The following CHRM3 variants were observed in gnomAD, a reference collection of about 807,000 sequenced individuals.
The protein encoded by CHRM3 is cholinergic receptor muscarinic 3, also known as muscarinic acetylcholine receptor M3.
CHRM3 carries 11 observed loss-of-function variants against 41.8 expected under a neutral mutation model. That is an observed-to-expected ratio of 0.26 (90% CI 0.17 to 0.44). The LOEUF is 0.44. CHRM3 is among the 20% of genes least tolerant of loss of function. The pLI is 1.00. For synonymous variants in CHRM3, 297 were observed against 301.4 expected, an observed-to-expected ratio of 0.99 and a Z score of 0.15; for missense variants, 571 against 745.4, an observed-to-expected ratio of 0.77 and a Z score of 2.72.
intron 1 of CHRM3, among the ~76,000 whole-genome samples, chr1:239,417,580 T>TG (rs111755103): frequency 0.27 from 1,573 of 5,826 alleles, 31 homozygotes; most frequent in Admixed American, 0.3. Context: ...GATTAATTTG[T>TG]TTTTTTTTTT....
chr1:239,636,631 G>C (rs1423570855), intron 4 of CHRM3, among the ~76,000 whole-genome samples: 2 of 152,048 alleles, frequency 1.3e-5, no homozygotes, highest in African/African-American at 4.8e-5. Context: ...CAGCACTTTT[G>C]GGTCTTTGGA....
chr1:239,870,740 T>C (rs994707720), intron 6 of CHRM3, among the ~76,000 whole-genome samples: 7 of 152,198 alleles, frequency 4.6e-5, no homozygotes, highest in African/African-American at 1.7e-4. Context: ...CATATTAAAA[T>C]CTGTCAAAAA....
intron 1 of CHRM3, among the ~76,000 whole-genome samples, chr1:239,415,646 C>A (rs983435945): frequency 6.6e-6 from 1 of 152,098 alleles, no homozygotes; most frequent in South Asian, 2.1e-4. Flanking sequence ...TAGTATATTG[C>A]TGTGGCTCAA....
intron 4 of CHRM3, among the ~76,000 whole-genome samples, chr1:239,659,473 G>A (rs1321523050): frequency 6.6e-6 from 1 of 152,130 alleles, no homozygotes; most frequent in Non-Finnish European, 1.5e-5. Context: ...TCTCTCAAGA[G>A]AACTTTCCAT....
chr1:239,480,500 G>A (rs527375086), intron 1 of CHRM3, among the ~76,000 whole-genome samples: 1 of 145,242 alleles, frequency 6.9e-6, no homozygotes, highest in Non-Finnish European at 1.5e-5. Context: ...AATGCGAAAT[G>A]TAACTTTATT....
chr1:239,517,967 G>C (rs1353643388), intron 2 of CHRM3, among the ~76,000 whole-genome samples: 1 of 152,090 alleles, frequency 6.6e-6, no homozygotes, highest in African/African-American at 2.4e-5. Context: ...TTAGCCGGAC[G>C]TGGTGGCACG....
intron 2 of CHRM3, among the ~76,000 whole-genome samples, chr1:239,507,874 G>A (rs747872642): frequency 6.6e-6 from 1 of 152,084 alleles, no homozygotes; most frequent in Non-Finnish European, 1.5e-5. Context: ...CTGAAAATGT[G>A]AGCTTTGTGC....
At chr1:239,815,700 A>G (rs1671520006) in intron 5 of CHRM3, among the ~76,000 whole-genome samples, 1 of 152,228 alleles carries the variant, frequency 6.6e-6, no homozygotes, top group Admixed American at 6.5e-5. Flanking sequence ...AATGCAAAAC[A>G]AAATGATAGC....
intron 5 of CHRM3, among the ~76,000 whole-genome samples, chr1:239,805,705 T>C (rs937895294): frequency 7.2e-5 from 11 of 152,098 alleles, no homozygotes; most frequent in Non-Finnish European, 1.5e-4. Context: ...TTAGTTACAT[T>C]TTTTGAGTAA....
intron 6 of CHRM3, among the ~76,000 whole-genome samples, chr1:239,840,329 A>G (rs978408562): frequency 1.3e-5 from 2 of 152,196 alleles, no homozygotes; most frequent in South Asian, 4.1e-4. Context: ...TATGCCCCAT[A>G]ACTCATTTAA....
chr1:239,899,622 T>C (rs993626900), intron 6 of CHRM3: 2 of 151,990 alleles, frequency 1.3e-5, no homozygotes, highest in Admixed American at 6.6e-5. Context: ...ACTAAGTATA[T>C]GTACATTGTA....
intron 5 of CHRM3, among the ~76,000 whole-genome samples, chr1:239,728,392 T>C (rs1663643970): frequency 6.6e-6 from 1 of 151,978 alleles, no homozygotes; most frequent in Non-Finnish European, 1.5e-5. Flanking sequence ...AAGGAAGTAA[T>C]GTAGGTACAG....
At chr1:239,813,675 T>C (rs2148996174) in intron 5 of CHRM3, among the ~76,000 whole-genome samples, 1 of 150,272 alleles carries the variant, frequency 6.7e-6, no homozygotes, top group Non-Finnish European at 1.5e-5. Flanking sequence ...CCCAGCACTT[T>C]GGGAGGCCGA....
chr1:239,867,400 T>G (rs1038000411), intron 6 of CHRM3, among the ~76,000 whole-genome samples: 5 of 152,126 alleles, frequency 3.3e-5, no homozygotes, highest in Admixed American at 3.3e-4. Context: ...TCGAAAGTCA[T>G]GTATGGGCTG....
chr1:239,728,653 A>T (rs1192853163), intron 5 of CHRM3, among the ~76,000 whole-genome samples: 1 of 152,016 alleles, frequency 6.6e-6, no homozygotes, highest in African/African-American at 2.4e-5. Context: ...GGTGGAGTTA[A>T]TGGAATAACA....
At chr1:239,551,205 C>T (rs555507623) in intron 3 of CHRM3, among the ~76,000 whole-genome samples, 1 of 141,036 alleles carries the variant, frequency 7.1e-6, no homozygotes, top group East Asian at 2.1e-4. Context: ...TCCTGTTGCC[C>T]AGGCCAGAGT....
chr1:239,583,250 G>A (rs1663073696), intron 3 of CHRM3, among the ~76,000 whole-genome samples: 1 of 152,174 alleles, frequency 6.6e-6, no homozygotes, highest in African/African-American at 2.4e-5. Context: ...TATTAAACAT[G>A]CATATGTACT....
rs1367271081 is a variant in CHRM3, at chr1:239,404,746, A to ATATATAT, written c.-521+17520_-521+17526dup. Among the ~76,000 whole-genome samples the ATATATAT allele has an allele frequency of 6.6e-4, 96 of 144,604 alleles. 1 individual carries two copies. The highest frequency in any genetic ancestry group is 3.6e-4 in the Non-Finnish European group (24 of 65,936). 94.9% of individuals were successfully genotyped at this position (144,604 alleles called of 152,430 possible). A position where few individuals can be genotyped will look rare whatever the true frequency, so the allele number is the denominator to read the frequency against. On this transcript the variant is annotated intron_variant, in intron 1 of 6. Coordinates refer to ENST00000676153, the MANE Select transcript of CHRM3 (RefSeq NM_001375978.1). The stretch of plus-strand genomic sequence containing the variant: ...TATATATATATATATATATATATAT[A>ATATATAT]TATATATATATGGAAAATATGGTTA...
chr1:239,492,833 C>G (rs1667639904), intron 2 of CHRM3, 26 bp downstream of exon 2: 1 of 152,198 alleles, frequency 6.6e-6, no homozygotes, highest in Non-Finnish European at 1.5e-5. Flanking sequence ...CTCCGTCTAC[C>G]CATTCTCCAG....
Sources: gnomAD v4.1 joint callset for allele counts (sites outside exome capture counted in the v4.1 genomes callset) on GRCh38, gnomAD v4.1.1 for gene constraint, MANE v1.5 for transcripts, NCBI Gene and HGNC (gene_info 2026-07-23, HGNC 2026-07-21) for gene names.